Variants in KIRREL3 observed in about 807,000 individuals in gnomAD.
The protein encoded by KIRREL3 is kin of IRRE-like protein 3.
In KIRREL3, 36 loss-of-function variants were observed where a neutral mutation model predicts 89.7. The observed-to-expected ratio is 0.40, with a 90% CI of 0.31 to 0.53. The LOEUF is 0.53. Ranked by LOEUF, KIRREL3 falls within the 20% of genes least tolerant of loss-of-function variation. KIRREL3 has a pLI of 0.49. For synonymous variants in KIRREL3, 445 were observed against 441.4 expected (o/e 1.01, Z -0.10); for missense variants, 864 against 1,056.6 (o/e 0.82, Z 2.53).
chr11:126,456,057 T>TTTTTTTTTTTTTTTC (rs147218473), intron 7 of KIRREL3, among the ~76,000 whole-genome samples: 9 of 109,800 alleles, frequency 8.2e-5, no homozygotes, highest in South Asian at 6.4e-4. Context: ...TTTTTTTTTT[T>TTTTTTTTTTTTTTTC]CCTGAGCCTT....
chr11:126,552,171 C>T (rs1304539886), intron 2 of KIRREL3, among the ~76,000 whole-genome samples: 1 of 152,144 alleles, frequency 6.6e-6, no homozygotes, highest in African/African-American at 2.4e-5. Context: ...CTCCACTAGT[C>T]GTTTATTTTT....
rs774388272 is a variant in KIRREL3 at position 126,444,989 on chromosome 11, C to G, written c.1242G>C (p.Leu414=). ...CAGCGAGGGTCTTACCATTGACGGT[C>G]AGGGTCACCTCTCTCTCCCCGGCTC... is the stretch of plus-strand genomic sequence containing the variant. ...RVGAGEREVT[L]TVNGPPIISS... Residue 414 remains leucine (L), a synonymous_variant, in exon 10 of 17, where the codon CTG becomes CTC. Coordinates refer to ENST00000525144, the MANE Select transcript of KIRREL3 (RefSeq NM_032531.4). 1 of 1,613,650 alleles carries G rather than the reference C, an allele frequency of 6.2e-7. No homozygotes were observed. The highest frequency in any genetic ancestry group is 8.5e-7 in the Non-Finnish European group (1 of 1,179,810).
rs756114801 is a variant in KIRREL3, at chr11:126,729,367, G to A, written c.56-166455C>T. ...GAAGAAGAAACAGGAAGTGGAGCCT[G>A]GTGAGGAACAAAAGGTGTCACAAGG... On this transcript the variant is annotated intron_variant, in intron 1 of 16. Coordinates refer to ENST00000525144, the MANE Select transcript of KIRREL3 (RefSeq NM_032531.4). This position sits in a 1 kb window ranked among gnomAD's most constrained non-coding sequence, Gnocchi z 4.5. 1.3e-5 allele frequency among the ~76,000 whole-genome samples: 2 copies of A among 152,206 alleles called. No homozygotes were observed. The highest frequency in any genetic ancestry group is 2.9e-5 in the Non-Finnish European group (2 of 68,046).
intron 1 of KIRREL3, among the ~76,000 whole-genome samples, chr11:126,941,903 C>G (rs552573723): frequency 6.6e-6 from 1 of 152,324 alleles, no homozygotes; most frequent in South Asian, 2.1e-4. Context: ...AAGCCATCAA[C>G]AAGTTCCTTA....
intron 5 of KIRREL3, among the ~76,000 whole-genome samples, chr11:126,472,270 A>C (rs1956915949): frequency 6.6e-6 from 1 of 152,202 alleles, no homozygotes; most frequent in South Asian, 2.1e-4. Flanking sequence ...ATAACAAGAT[A>C]TATAAACTGG....
rs985121358 is a variant in KIRREL3 at position 126,525,927 on chromosome 11, C to T, written c.283+611G>A. 3.3e-5 allele frequency among the ~76,000 whole-genome samples: 5 copies of T among 152,218 alleles called. No homozygotes were observed. The highest frequency in any genetic ancestry group is 1.3e-4 in the Admixed American group (2 of 15,280). On this transcript the variant is annotated intron_variant, in intron 3 of 16. Transcript: ENST00000525144. This position sits in a 1 kb window ranked among gnomAD's most constrained non-coding sequence, Gnocchi z 5.4. The stretch of plus-strand genomic sequence containing the variant: ...TTGTCAGCACTGGCCAGTGAGTTCA[C>T]GTGTCAGCCATCAACAACCATGGGA...
rs377625332 is a variant in KIRREL3, at chr11:126,981,267, T to A, written c.55+19188A>T. Among the ~76,000 whole-genome samples the A allele has an allele frequency of 6.6e-6, 1 of 152,222 alleles. No homozygotes were observed. The highest frequency in any genetic ancestry group is 2.4e-5 in the African/African-American group (1 of 41,458). ...GCTATTCTATTTTATTTGTTCTTAGTGTTCAGCCTGGGACCTAGGCAGGCT... is the reference window on the plus strand; with the variant it reads ...GCTATTCTATTTTATTTGTTCTTAGAGTTCAGCCTGGGACCTAGGCAGGCT... On this transcript the variant is annotated intron_variant, in intron 1 of 16. Coordinates refer to ENST00000525144, the MANE Select transcript of KIRREL3 (RefSeq NM_032531.4). The surrounding 1 kb of genome is among the most constrained non-coding windows in gnomAD (Gnocchi z 4.2).
chr11:126,942,243 C>T (rs190401255), intron 1 of KIRREL3, among the ~76,000 whole-genome samples: 13 of 152,288 alleles, frequency 8.5e-5, no homozygotes, highest in Admixed American at 7.8e-4. Flanking sequence ...ATAGTATTCT[C>T]AACCATATAG....
chr11:126,588,789 G>A (rs1941995087), intron 1 of KIRREL3, among the ~76,000 whole-genome samples: 1 of 152,204 alleles, frequency 6.6e-6, no homozygotes, highest in South Asian at 2.1e-4. Context: ...TGGCAGTTAG[G>A]AGGCATGCTC....
intron 2 of KIRREL3, among the ~76,000 whole-genome samples, chr11:126,560,283 A>G (rs1940018975): frequency 6.6e-6 from 1 of 152,112 alleles, no homozygotes; most frequent in Admixed American, 6.5e-5. Context: ...ACACACACGC[A>G]CACACACACA....
At chr11:126,815,595 G>A (rs1213895116) in intron 1 of KIRREL3, among the ~76,000 whole-genome samples, 3 of 152,036 alleles carry the variant, frequency 2.0e-5, no homozygotes, top group Non-Finnish European at 2.9e-5. Flanking sequence ...GTGCAGTGGC[G>A]CGATCTCGGC....
intron 1 of KIRREL3, among the ~76,000 whole-genome samples, chr11:126,826,960 T>G (rs889253683): frequency 6.6e-6 from 1 of 152,114 alleles, no homozygotes; most frequent in Non-Finnish European, 1.5e-5. Context: ...GTAGCAGAGG[T>G]CATCCCCCTC....
chr11:126,457,467 A>G (rs993736839), intron 6 of KIRREL3, among the ~76,000 whole-genome samples: 1 of 150,470 alleles, frequency 6.6e-6, no homozygotes, highest in East Asian at 2.0e-4. Context: ...ACATGTGTAT[A>G]TGTGTGTATG....
rs751178376 is a variant in KIRREL3, at chr11:126,459,378, C to G, written c.743-2924G>C. On this transcript the variant is annotated intron_variant, in intron 6 of 16. Coordinates refer to ENST00000525144, the MANE Select transcript of KIRREL3 (RefSeq NM_032531.4). The surrounding 1 kb of genome is among the most constrained non-coding windows in gnomAD (Gnocchi z 4.8). ...CGTAAGGCTGCTCTCCTGCACTTTC[C>G]CTTCCTCTTAGCATCGTCTTTGGTG... is the stretch of plus-strand genomic sequence containing the variant. Among the ~76,000 whole-genome samples, 1 of 152,198 alleles carries G rather than the reference C, an allele frequency of 6.6e-6. No homozygotes were observed. The highest frequency in any genetic ancestry group is 1.5e-5 in the Non-Finnish European group (1 of 68,036).
chr11:127,001,588 A>G (rs1257746349), upstream of KIRREL3, among the ~76,000 whole-genome samples: 1 of 152,144 alleles, frequency 6.6e-6, no homozygotes, highest in Non-Finnish European at 1.5e-5. Context: ...AGGAGAGGCC[A>G]AGGTCATAGA....
chr11:126,450,420 T>A (rs1956009053), intron 7 of KIRREL3, among the ~76,000 whole-genome samples: 1 of 149,824 alleles, frequency 6.7e-6, no homozygotes, highest in South Asian at 2.1e-4. Context: ...CATGTGTGAG[T>A]GGGCATGTAT....
At chr11:126,785,389 C>A (rs1390520503) in intron 1 of KIRREL3, among the ~76,000 whole-genome samples, 1 of 152,156 alleles carries the variant, frequency 6.6e-6, no homozygotes, top group South Asian at 2.1e-4. Context: ...GCCCCACCTC[C>A]TGCATGGTCA....
intron 1 of KIRREL3, among the ~76,000 whole-genome samples, chr11:126,972,326 T>C (rs1049133755): frequency 3.9e-5 from 6 of 152,122 alleles, no homozygotes; most frequent in African/African-American, 1.4e-4. Context: ...GGTAAATTAT[T>C]CCCTCTATGA....
chr11:126,577,882 A>G (rs1482318401), intron 1 of KIRREL3, among the ~76,000 whole-genome samples: 1 of 152,122 alleles, frequency 6.6e-6, no homozygotes, highest in African/African-American at 2.4e-5. Context: ...TCTTCGAACA[A>G]AAAGTGTTTT....
Sources: allele counts gnomAD v4.1 joint callset (sites outside exome capture counted in the v4.1 genomes callset), GRCh38; gene constraint gnomAD v4.1.1; non-coding constraint Gnocchi (gnomAD v3.1); transcripts MANE v1.5; gene names NCBI Gene and HGNC (gene_info 2026-07-23, HGNC 2026-07-21).